The following BTRC variants were observed in gnomAD, a reference collection of about 807,000 sequenced individuals.
BTRC encodes F-box/WD repeat-containing protein 1A.
A neutral mutation model predicts 85.5 loss-of-function variants in BTRC; 42 were observed. The ratio of observed to expected loss-of-function variants is 0.49; its 90% CI spans 0.38 to 0.64. The LOEUF (loss-of-function observed/expected upper bound fraction) is 0.64. Among genes scored for constraint, BTRC ranks in the 30% least tolerant of loss-of-function variants. BTRC has a pLI of 0.00. For synonymous variants in BTRC, 255 were observed against 263.3 expected (o/e 0.97, Z 0.30); for missense variants, 594 against 743.5 (o/e 0.80, Z 2.34).
intron 3 of BTRC, among the ~76,000 whole-genome samples, chr10:101,477,648 TTTTC>T (rs1218269543): frequency 2.0e-5 from 3 of 152,028 alleles, no homozygotes; most frequent in East Asian, 3.9e-4. Flanking sequence ...CCTATGATTT[TTTTC>T]TTTCTTTTTT....
intron 4 of BTRC, among the ~76,000 whole-genome samples, chr10:101,485,303 A>G (rs1208305003): frequency 2.0e-5 from 3 of 152,266 alleles, no homozygotes; most frequent in Non-Finnish European, 2.9e-5. Context: ...TAAACATACA[A>G]GAAAAAGAAA....
Position 101,446,764 on chromosome 10 carries a change from C to T in BTRC, c.157-15217C>T, listed in dbSNP as rs550359092. Among the ~76,000 whole-genome samples, 27 of 152,244 alleles carry T rather than the reference C, an allele frequency of 1.8e-4. No homozygotes were observed. In the South Asian group the frequency reaches 5.6e-3, roughly 32 times the overall value. The stretch of plus-strand genomic sequence containing the variant: ...AGCTTTATAATGGAATGTAAAAACT[C>T]ATTGAAGGCATATGAGCAAAACTTT... On this transcript the variant is annotated intron_variant, in intron 2 of 14. Transcript: ENST00000370187.
At chr10:101,503,785 A>G (rs1371604174) in intron 4 of BTRC, among the ~76,000 whole-genome samples, 1 of 152,204 alleles carries the variant, frequency 6.6e-6, no homozygotes, top group Non-Finnish European at 1.5e-5. Context: ...AAAACTTTGT[A>G]TTTTCCTAAT....
At position 101,366,965 on chromosome 10, in the gene BTRC, T is replaced by A. The variant is rs1375027331; in HGVS notation, c.48+12737T>A. On this transcript the variant is annotated intron_variant, in intron 1 of 14. Coordinates refer to ENST00000370187, the MANE Select transcript of BTRC (RefSeq NM_033637.4). ...ATATATATTTATATATATATTTATA[T>A]AAATATATATTTATATATTTATATA... 6.6e-5 allele frequency among the ~76,000 whole-genome samples: 3 copies of A among 45,130 alleles called. No individual in the cohort carries two copies. The East Asian group carries it at 1.1e-3, about 16-fold the overall frequency. The allele number at this position is 45,130 out of a possible 152,430, so 29.6% of individuals were successfully genotyped here.
At chr10:101,529,126 C>T (rs2062243982) in intron 6 of BTRC, among the ~76,000 whole-genome samples, 1 of 152,212 alleles carries the variant, frequency 6.6e-6, no homozygotes, top group Non-Finnish European at 1.5e-5. Flanking sequence ...CATGTACTCA[C>T]ATTCTTGTAG....
chr10:101,526,491 T>G (rs1279542661), intron 6 of BTRC, among the ~76,000 whole-genome samples: 1 of 152,234 alleles, frequency 6.6e-6, no homozygotes, highest in African/African-American at 2.4e-5. Context: ...GAAGTTGGTA[T>G]CCTGTGGCTG....
intron 4 of BTRC, among the ~76,000 whole-genome samples, chr10:101,481,001 C>G (rs186657631): frequency 2.0e-5 from 3 of 152,320 alleles, no homozygotes; most frequent in Admixed American, 1.3e-4. Flanking sequence ...TCAATGCAGC[C>G]TTTACCTCCA....
chr10:101,490,617 T>G (rs894331536), intron 4 of BTRC, among the ~76,000 whole-genome samples: 1 of 152,188 alleles, frequency 6.6e-6, no homozygotes, highest in Non-Finnish European at 1.5e-5. Flanking sequence ...CCCATCGCAT[T>G]GTGTAGCTTT....
chr10:101,555,104 C>T lies in BTRC; in HGVS notation c.*1981C>T, dbSNP rs985901199. 4.6e-5 allele frequency: 7 copies of T among 152,474 alleles called. No individual in the cohort carries two copies. Among genetic ancestry groups the T allele is most frequent in the Admixed American group, 3.3e-4 (5 of 15,288 alleles). 9.4% of individuals were successfully genotyped at this position (152,474 alleles called of 1,614,324 possible). On this transcript the variant is annotated 3_prime_UTR_variant, in exon 15 of 15. Coordinates refer to ENST00000370187, the MANE Select transcript of BTRC (RefSeq NM_033637.4). ...TTTCTACTTGGCCACTATCAGGGTT[C>T]GTCATCTATTGTGTTGACTATTAAT...
intron 4 of BTRC, among the ~76,000 whole-genome samples, chr10:101,488,158 A>G (rs1946038773): frequency 6.6e-6 from 1 of 152,106 alleles, no homozygotes; most frequent in South Asian, 2.1e-4. Flanking sequence ...CATCACTCCA[A>G]TTTAGAGTTT....
intron 1 of BTRC, among the ~76,000 whole-genome samples, chr10:101,380,903 G>T (rs1420404070): frequency 6.6e-6 from 1 of 152,180 alleles, no homozygotes; most frequent in Admixed American, 6.5e-5. Context: ...CAAATGCCAT[G>T]TGATATAACC....
At chr10:101,398,809 G>A (rs976416641) in intron 1 of BTRC, among the ~76,000 whole-genome samples, 9 of 152,062 alleles carry the variant, frequency 5.9e-5, no homozygotes, top group Non-Finnish European at 1.3e-4. Flanking sequence ...AAAGTAATCC[G>A]TTGAATATTT....
At chr10:101,377,238 C>T (rs971739253) in intron 1 of BTRC, among the ~76,000 whole-genome samples, 42 of 152,252 alleles carry the variant, frequency 2.8e-4, no homozygotes, top group African/African-American at 8.7e-4. Flanking sequence ...CAGGAGTTCA[C>T]GTCTTACTAT....
At chr10:101,546,445 T>A (rs1289740130) in intron 13 of BTRC, among the ~76,000 whole-genome samples, 2 of 152,190 alleles carry the variant, frequency 1.3e-5, no homozygotes, top group Non-Finnish European at 2.9e-5. Context: ...GGGTACATAG[T>A]AGGTTTATAT....
At chr10:101,443,291 A>G (rs1183558672) in intron 2 of BTRC, among the ~76,000 whole-genome samples, 1 of 152,220 alleles carries the variant, frequency 6.6e-6, no homozygotes, top group Non-Finnish European at 1.5e-5. Flanking sequence ...GAAAAAAAGA[A>G]TCTTAGTCAC....
intron 1 of BTRC, among the ~76,000 whole-genome samples, chr10:101,370,264 G>C (rs1325218305): frequency 6.6e-6 from 1 of 152,228 alleles, no homozygotes; most frequent in African/African-American, 2.4e-5. Flanking sequence ...TGGGACTACA[G>C]GTGCTTGCCA....
intron 1 of BTRC, among the ~76,000 whole-genome samples, chr10:101,420,939 C>G (rs1170277263): frequency 6.6e-6 from 1 of 151,058 alleles, no homozygotes; most frequent in Non-Finnish European, 1.5e-5. Flanking sequence ...CAGTTACTCC[C>G]ACATCTCTGT....
intron 1 of BTRC, among the ~76,000 whole-genome samples, chr10:101,367,371 C>G (rs1942497931): frequency 6.6e-6 from 1 of 151,740 alleles, no homozygotes; most frequent in African/African-American, 2.4e-5. Context: ...TGCGCCTGGC[C>G]TAGGTCTATA....
intron 1 of BTRC, among the ~76,000 whole-genome samples, chr10:101,368,456 CTG>C (rs1942534366): frequency 7.8e-6 from 1 of 128,916 alleles, no homozygotes; most frequent in Non-Finnish European, 1.6e-5. Context: ...ACCTATGCAA[CTG>C]TTTTTCTTTT....
Sources: allele counts gnomAD v4.1 joint callset (sites outside exome capture counted in the v4.1 genomes callset), GRCh38; gene constraint gnomAD v4.1.1; transcripts MANE v1.5; gene names NCBI Gene and HGNC (gene_info 2026-07-23, HGNC 2026-07-21).